TMEM108: variants seen among roughly 807,000 people sequenced by gnomAD.
TMEM108 encodes the protein cancer/testis antigen 124.
TMEM108 carries 12 observed loss-of-function variants against 35.1 expected under a neutral mutation model. That is an observed-to-expected ratio of 0.34 (90% CI 0.22 to 0.55). TMEM108 has a LOEUF of 0.55. Among genes scored for constraint, TMEM108 ranks in the 20% least tolerant of loss-of-function variants. TMEM108 has a pLI of 0.89. For synonymous variants in TMEM108, 287 were observed against 308.6 expected (o/e 0.93, Z 0.73); for missense variants, 680 against 753.3 (o/e 0.90, Z 1.14).
chr3:133,387,798 A>G, intron 4 of TMEM108: 1 of 975,876 alleles, frequency 1.0e-6, no homozygotes, highest in Non-Finnish European at 1.2e-6. Flanking sequence ...AAGTCATGCA[A>G]GTAATAGATT....
intron 3 of TMEM108, among the ~76,000 whole-genome samples, chr3:133,306,888 G>A (rs556821933): frequency 7.9e-5 from 12 of 152,254 alleles, no homozygotes; most frequent in Admixed American, 5.2e-4. Flanking sequence ...TATATACCCA[G>A]TAATGAAATC....
intron 2 of TMEM108, among the ~76,000 whole-genome samples, chr3:133,122,620 C>T (rs1400578856): frequency 6.6e-6 from 1 of 152,070 alleles, no homozygotes; most frequent in Non-Finnish European, 1.5e-5. Context: ...AATCCCAGCA[C>T]TTTGGGAGGC....
chr3:133,253,567 T>G (rs1323617491), intron 3 of TMEM108: 1 of 152,228 alleles, frequency 6.6e-6, no homozygotes, highest in Non-Finnish European at 1.5e-5. Flanking sequence ...TGACAGTATG[T>G]GGTCTCTTCA....
intron 3 of TMEM108, among the ~76,000 whole-genome samples, chr3:133,332,082 GCACACACACACACA>G (rs66877804): frequency 4.6e-5 from 7 of 151,028 alleles, no homozygotes; most frequent in East Asian, 2.0e-4. Flanking sequence ...GTGCGCACGT[GCACACACACACACA>G]CACACACACA....
At chr3:133,049,522 A>T (rs1485644248) in intron 2 of TMEM108, among the ~76,000 whole-genome samples, 1 of 152,188 alleles carries the variant, frequency 6.6e-6, no homozygotes, top group Admixed American at 6.5e-5. Flanking sequence ...CAACTCATTT[A>T]AAACAGAATT....
At chr3:133,040,388 A>G (rs909271907) in intron 1 of TMEM108, among the ~76,000 whole-genome samples, 2 of 151,714 alleles carry the variant, frequency 1.3e-5, no homozygotes, top group Admixed American at 6.6e-5. Context: ...ATTTTTTAGT[A>G]AAGACGGGGT....
intron 5 of TMEM108, among the ~76,000 whole-genome samples, chr3:133,390,804 G>A (rs1464763344): frequency 6.6e-6 from 1 of 152,166 alleles, no homozygotes; most frequent in Non-Finnish European, 1.5e-5. Context: ...AGCCTTCCCA[G>A]TGCAGATGCT....
At chr3:133,281,862 G>A (rs766552911) in intron 3 of TMEM108, among the ~76,000 whole-genome samples, 27 of 152,162 alleles carry the variant, frequency 1.8e-4, no homozygotes, top group Non-Finnish European at 3.4e-4. Context: ...TATCCCAAAA[G>A]ATAGACAAGG....
chr3:133,099,813 C>T (rs1456152751), intron 2 of TMEM108, among the ~76,000 whole-genome samples: 1 of 152,208 alleles, frequency 6.6e-6, no homozygotes, highest in African/African-American at 2.4e-5. Flanking sequence ...ATATCACTAT[C>T]AGCATTTTTG....
rs533025001 is a variant in TMEM108, at chr3:133,293,302, C to A, written c.40+63951C>A. Among the ~76,000 whole-genome samples the A allele has an allele frequency of 4.0e-5, 6 of 151,688 alleles. No homozygotes were observed. In the South Asian group the frequency reaches 1.3e-3, roughly 32 times the overall value. On this transcript the variant is annotated intron_variant, in intron 3 of 5. Transcript: ENST00000321871. ...ATTTAGCACTTCTCTCCATGAAAGC[C>A]TTTATCACACTCCTCAAGGGTAGAA...
chr3:133,156,064 T>TTTATTTA, intron 2 of TMEM108, among the ~76,000 whole-genome samples: 1 of 146,180 alleles, frequency 6.8e-6, no homozygotes, highest in South Asian at 2.2e-4. Context: ...TTATTTTTTC[T>TTTATTTA]TTTATTTATT....
At chr3:133,235,426 G>C (rs935273643) in intron 3 of TMEM108, among the ~76,000 whole-genome samples, 40 of 152,106 alleles carry the variant, frequency 2.6e-4, no homozygotes, top group Non-Finnish European at 4.3e-4. Context: ...TGGAACAGAA[G>C]AGAGCCCTCA....
chr3:133,116,731 A>T (rs146198006), intron 2 of TMEM108, among the ~76,000 whole-genome samples: 1 of 152,332 alleles, frequency 6.6e-6, no homozygotes, highest in Non-Finnish European at 1.5e-5. Context: ...CCAGTGTACC[A>T]GTGCATTCAA....
intron 2 of TMEM108, among the ~76,000 whole-genome samples, chr3:133,149,609 A>G (rs1030501293): frequency 6.6e-6 from 1 of 152,134 alleles, no homozygotes; most frequent in Non-Finnish European, 1.5e-5. Context: ...TTCTTTCTGC[A>G]CTGGCTTATT....
chr3:133,082,570 T>C (rs963380572), intron 2 of TMEM108, among the ~76,000 whole-genome samples: 2 of 152,188 alleles, frequency 1.3e-5, no homozygotes, highest in African/African-American at 2.4e-5. Flanking sequence ...ATTGCCCTCT[T>C]TCCTGTTAAA....
intron 2 of TMEM108, among the ~76,000 whole-genome samples, chr3:133,136,981 A>G (rs777296576): frequency 3.3e-5 from 5 of 152,234 alleles, no homozygotes; most frequent in African/African-American, 1.2e-4. Flanking sequence ...GCTGAAAGAT[A>G]GAATTTGAGT....
At chr3:133,296,182 A>C (rs1947142807) in intron 3 of TMEM108, among the ~76,000 whole-genome samples, 1 of 152,178 alleles carries the variant, frequency 6.6e-6, no homozygotes, top group South Asian at 2.1e-4. Flanking sequence ...AGTCATGTTT[A>C]AGTTTTCTAA....
chr3:133,295,329 C>T (rs1246288569), intron 3 of TMEM108, among the ~76,000 whole-genome samples: 3 of 152,238 alleles, frequency 2.0e-5, no homozygotes. Flanking sequence ...GAGCAAGGAG[C>T]TGAGAACCTA....
chr3:133,313,477 G>A (rs548927647), intron 3 of TMEM108, among the ~76,000 whole-genome samples: 19 of 152,202 alleles, frequency 1.2e-4, no homozygotes, highest in Admixed American at 3.9e-4. Flanking sequence ...GAGCCACCGC[G>A]CCTGGCCAAA....
Sources: allele counts gnomAD v4.1 joint callset (sites outside exome capture counted in the v4.1 genomes callset), GRCh38; gene constraint gnomAD v4.1.1; transcripts MANE v1.5; gene names NCBI Gene and HGNC (gene_info 2026-07-23, HGNC 2026-07-21).